Variants in GK3 observed in about 807,000 individuals in gnomAD.
The protein encoded by GK3 is glycerol kinase 3, also known as glycerol kinase 3 pseudogene.
the GK3 span, chr4:165,278,131 T>C: frequency 6.5e-7 from 1 of 1,542,024 alleles, no homozygotes; most frequent in East Asian, 2.2e-5. Context: ...TCATCACAGC[T>C]TTCTTCCATG....
chr4:165,278,929 G>T, the GK3 span: 13 of 1,424,052 alleles, frequency 9.1e-6, no homozygotes, highest in Non-Finnish European at 5.0e-6. Flanking sequence ...TTAGGCCATA[G>T]ATCTCAGAAG....
the GK3 span, chr4:165,278,251 A>G: frequency 6.3e-6 from 7 of 1,112,586 alleles, no homozygotes; most frequent in Non-Finnish European, 9.7e-6. Context: ...CTCCTTCTGC[A>G]GCCCCTGCCG....
chr4:165,278,170 A>G, the GK3 span: 2 of 1,390,080 alleles, frequency 1.4e-6, no homozygotes, highest in Non-Finnish European at 2.1e-6. Flanking sequence ...TTTCCTCAGC[A>G]TTAATCTGAG....
chr4:165,278,784 T>C, the GK3 span: 2 of 1,550,074 alleles, frequency 1.3e-6, no homozygotes, highest in Non-Finnish European at 1.8e-6. Context: ...TGGCCTGTAT[T>C]ACATAGTAAG....
the GK3 span, chr4:165,278,035 C>A: frequency 6.7e-7 from 1 of 1,501,534 alleles, no homozygotes; most frequent in Non-Finnish European, 9.3e-7. Flanking sequence ...CCATGCTACT[C>A]ACTATAAAAA....
At chr4:165,279,614 G>A in the GK3 span, 1 of 1,611,418 alleles carries the variant, frequency 6.2e-7, no homozygotes, top group Admixed American at 1.7e-5. Flanking sequence ...CCCCACCAAT[G>A]GCCCCAAAAC....
At chr4:165,278,698 GTA>G in the GK3 span, 1 of 1,604,106 alleles carries the variant, frequency 6.2e-7, no homozygotes, top group South Asian at 1.1e-5. Flanking sequence ...CTTCCAAAGC[GTA>G]ATATACCGGT....
chr4:165,278,780 G>A, the GK3 span: 2 of 1,544,302 alleles, frequency 1.3e-6, no homozygotes, highest in Non-Finnish European at 9.0e-7. Context: ...CTTATGGCCT[G>A]TATTACATAG....
chr4:165,279,602 G>A, the GK3 span: 2 of 1,610,110 alleles, frequency 1.2e-6, no homozygotes, highest in African/African-American at 2.7e-5. Context: ...TTGGTCCACT[G>A]CCCCCACCAA....
the GK3 span, chr4:165,279,663 C>T: frequency 6.2e-6 from 10 of 1,608,208 alleles, no homozygotes; most frequent in South Asian, 3.3e-5. Context: ...GCTTCAGGTC[C>T]GCCCGCGTTT....
the GK3 span, chr4:165,278,900 T>A: frequency 7.1e-7 from 1 of 1,414,618 alleles, no homozygotes; most frequent in Non-Finnish European, 1.0e-6. Flanking sequence ...TGGCACACCT[T>A]CCAAGGCCCC....
At chr4:165,278,834 T>G in the GK3 span, 6 of 1,541,824 alleles carry the variant, frequency 3.9e-6, no homozygotes. Flanking sequence ...TTGTCCAATC[T>G]GGAAGCACAT....
At chr4:165,279,576 G>T in the GK3 span, 2 of 1,598,426 alleles carry the variant, frequency 1.3e-6, no homozygotes, top group Non-Finnish European at 1.7e-6. Context: ...ACCAAAAAGC[G>T]CGTGGAACTG....
chr4:165,278,754 G>C, the GK3 span: 1 of 1,581,738 alleles, frequency 6.3e-7, no homozygotes, highest in Non-Finnish European at 8.7e-7. Context: ...AGAAGGCCAT[G>C]ATCAGAAAAT....
At chr4:165,278,630 A>G in the GK3 span, 8 of 1,591,488 alleles carry the variant, frequency 5.0e-6, no homozygotes, top group Non-Finnish European at 6.0e-6. Flanking sequence ...TGAGGTCTTT[A>G]TAATTCCAAG....
At chr4:165,278,342 A>C in the GK3 span, 2 of 1,150,122 alleles carry the variant, frequency 1.7e-6, no homozygotes, top group East Asian at 2.3e-5. Context: ...TTGTAGCTGC[A>C]TAAGAATTTT....
the GK3 span, chr4:165,278,658 G>A: frequency 5.6e-6 from 9 of 1,597,944 alleles, no homozygotes; most frequent in East Asian, 4.5e-5. Context: ...CTTAGCCAGC[G>A]AATAACAGCA....
the GK3 span, chr4:165,279,088 C>A: frequency 1.3e-5 from 21 of 1,569,534 alleles, no homozygotes; most frequent in Non-Finnish European, 1.8e-5. Flanking sequence ...CGCCTCCTGT[C>A]AAACTCCAAA....
chr4:165,278,988 A>G, the GK3 span: 4 of 1,496,822 alleles, frequency 2.7e-6, no homozygotes, highest in Non-Finnish European at 3.7e-6. Flanking sequence ...AAAAATTCAC[A>G]GAGTTGTTTA....
Sources: gnomAD v4.1 joint callset for allele counts on GRCh38, gnomAD v4.1.1 for gene constraint, MANE v1.5 for transcripts, NCBI Gene and HGNC (gene_info 2026-07-23, HGNC 2026-07-21) for gene names.